ADGRL2: variants seen among roughly 807,000 people sequenced by gnomAD.
ADGRL2 encodes calcium-independent alpha-latrotoxin receptor 2.
ADGRL2 carries 44 observed loss-of-function variants against 157.4 expected under a neutral mutation model. The ratio of observed to expected loss-of-function variants is 0.28; its 90% CI spans 0.22 to 0.36. ADGRL2 has a LOEUF of 0.36. ADGRL2 is among the 10% of genes least tolerant of loss of function. ADGRL2 has a pLI of 1.00. For synonymous variants in ADGRL2, 585 were observed against 624.7 expected, an observed-to-expected ratio of 0.94 and a Z score of 0.95; for missense variants, 1,510 against 1,768.9, an observed-to-expected ratio of 0.85 and a Z score of 2.63.
rs139968996 is a variant in ADGRL2 at position 81,852,687 on chromosome 1, G to C, written c.73+15630G>C. On this transcript the variant is annotated intron_variant, in intron 2 of 23. Coordinates refer to ENST00000686636, the MANE Select transcript of ADGRL2 (RefSeq NM_001366006.2). ...AAGTGTATATCTGATGTGCCATGCT[G>C]CCTCTAGCTGTGTGTCTCGCTGGCT... Among the ~76,000 whole-genome samples the C allele has an allele frequency of 3.7e-3, 569 of 152,004 alleles. 1 individual carries two copies. The highest frequency in any genetic ancestry group is 6.1e-3 in the Non-Finnish European group (417 of 67,946).
rs113638609 is a variant in ADGRL2, at chr1:81,881,429, G to A, written c.74-25588G>A. On this transcript the variant is annotated intron_variant, in intron 2 of 23. Transcript: ENST00000686636. ...CTGACCTCGTGATCCACCAGCCTCG[G>A]CATCCCAAAGTGCTGGGATTACAGG... Among the ~76,000 whole-genome samples the A allele has an allele frequency of 9.2e-3, 1,397 of 152,254 alleles. 21 individuals are homozygous for A. The highest frequency in any genetic ancestry group is 0.032 in the African/African-American group (1,335 of 41,552).
intron 2 of ADGRL2, among the ~76,000 whole-genome samples, chr1:81,876,829 C>A (rs190707295): frequency 6.6e-6 from 1 of 152,256 alleles, no homozygotes; most frequent in African/African-American, 2.4e-5. Flanking sequence ...CTACCTTTAG[C>A]TTTTACACAG....
At chr1:81,859,238 A>G (rs1018094560) in intron 2 of ADGRL2, among the ~76,000 whole-genome samples, 1 of 152,204 alleles carries the variant, frequency 6.6e-6, no homozygotes, top group South Asian at 2.1e-4. Flanking sequence ...GTATACATGT[A>G]TTTATTTGTA....
In ADGRL2 at chr1:81,836,876, G is replaced by C. The variant is rs2092312847; in HGVS notation, c.-100-9G>C. The C allele has an allele frequency of 1.1e-5, 7 of 641,224 alleles. No individual in the cohort carries two copies. Among genetic ancestry groups the C allele is most frequent in the Middle Eastern group, 2.8e-4 (1 of 3,550 alleles). The allele number at this position is 641,224 out of a possible 1,614,324, so 39.7% of individuals were successfully genotyped here. A position where few individuals can be genotyped will look rare whatever the true frequency, so the allele number is the denominator to read the frequency against. ...CATAGAGTAAGTGATGGATTTGTTT[G>C]TTTTTCAGATATGAAGATCAATGAT... On this transcript the variant is annotated splice_polypyrimidine_tract_variant and intron_variant, in intron 1 of 23. Coordinates refer to ENST00000686636, the MANE Select transcript of ADGRL2 (RefSeq NM_001366006.2).
chr1:81,539,305 A>G (rs2079824191), intron 2 of ADGRL2, among the ~76,000 whole-genome samples: 1 of 152,076 alleles, frequency 6.6e-6, no homozygotes, highest in South Asian at 2.1e-4. Context: ...AGCTACAAAA[A>G]TTTATAAAAT....
At chr1:81,389,541 A>G (rs1294804357) in intron 1 of ADGRL2, among the ~76,000 whole-genome samples, 1 of 152,204 alleles carries the variant, frequency 6.6e-6, no homozygotes, top group African/African-American at 2.4e-5. Flanking sequence ...AAATTAAATG[A>G]CAGGTGGCAA....
intron 2 of ADGRL2, among the ~76,000 whole-genome samples, chr1:81,865,450 TG>T (rs1348797631): frequency 6.6e-6 from 1 of 152,220 alleles, no homozygotes; most frequent in Admixed American, 6.5e-5. Flanking sequence ...ATTTTAAAGA[TG>T]TTTAAGTTTT....
chr1:81,502,240 T>C, intron 2 of ADGRL2: 3 of 1,611,472 alleles, frequency 1.9e-6, no homozygotes, highest in Non-Finnish European at 2.5e-6. Context: ...GACAACAAGC[T>C]AAAGAAGACC....
chr1:81,894,695 T>A (rs2094343345), intron 2 of ADGRL2, among the ~76,000 whole-genome samples: 1 of 151,946 alleles, frequency 6.6e-6, no homozygotes, highest in African/African-American at 2.4e-5. Context: ...TATAAGTTAT[T>A]TTTTGAGATG....
At chr1:81,464,878 G>T (rs778074286) in intron 2 of ADGRL2, among the ~76,000 whole-genome samples, 2 of 150,136 alleles carry the variant, frequency 1.3e-5, no homozygotes, top group African/African-American at 2.5e-5. Context: ...GTTCAAAAAG[G>T]TCCAGGGGAA....
At chr1:81,320,986 GT>G in intron 1 of ADGRL2, among the ~76,000 whole-genome samples, 1 of 152,324 alleles carries the variant, frequency 6.6e-6, no homozygotes, top group Admixed American at 6.5e-5. Context: ...ATATAAGGCT[GT>G]TTTGAATACA....
chr1:81,862,420 A>G (rs1469649327), intron 2 of ADGRL2, among the ~76,000 whole-genome samples: 1 of 152,184 alleles, frequency 6.6e-6, no homozygotes, highest in African/African-American at 2.4e-5. Flanking sequence ...CAACTCTGAC[A>G]GTTACTAGGT....
At chr1:81,478,024 AT>A (rs987706724) in intron 2 of ADGRL2, among the ~76,000 whole-genome samples, 9 of 151,140 alleles carry the variant, frequency 6.0e-5, no homozygotes, top group Non-Finnish European at 1.0e-4. Flanking sequence ...TTTGAGAGTA[AT>A]TTTTTTGCAT....
chr1:81,945,982 T>C (rs549488679), intron 6 of ADGRL2, among the ~76,000 whole-genome samples: 1 of 152,210 alleles, frequency 6.6e-6, no homozygotes, highest in Non-Finnish European at 1.5e-5. Context: ...TGCAGAACTA[T>C]TCTGGCCCAC....
At chr1:81,678,125 C>T (rs2083034108) in intron 3 of ADGRL2, among the ~76,000 whole-genome samples, 1 of 152,162 alleles carries the variant, frequency 6.6e-6, no homozygotes, top group Non-Finnish European at 1.5e-5. Context: ...TCCTGCAGGA[C>T]TTATAATTAT....
At chr1:81,343,128 G>T (rs1487191858) in intron 1 of ADGRL2, among the ~76,000 whole-genome samples, 4 of 117,648 alleles carry the variant, frequency 3.4e-5, no homozygotes, top group Non-Finnish European at 4.8e-5. Context: ...TCACTCTGCT[G>T]CCCAGGCTGG....
chr1:81,430,823 T>G (rs2077306405), intron 1 of ADGRL2, among the ~76,000 whole-genome samples: 1 of 152,140 alleles, frequency 6.6e-6, no homozygotes, highest in African/African-American at 2.4e-5. Context: ...GTGCCAATCC[T>G]CCCTCTGTGT....
chr1:81,626,673 C>T (rs773028775), intron 3 of ADGRL2, among the ~76,000 whole-genome samples: 2 of 152,192 alleles, frequency 1.3e-5, no homozygotes, highest in Non-Finnish European at 2.9e-5. Context: ...AAACATTATT[C>T]ACTGTAACAG....
At chr1:81,380,808 T>A (rs1303628998) in intron 1 of ADGRL2, among the ~76,000 whole-genome samples, 4 of 152,034 alleles carry the variant, frequency 2.6e-5, no homozygotes, top group African/African-American at 9.7e-5. Context: ...GGTTTCAAAT[T>A]TACTTTGATA....
Sources: allele counts gnomAD v4.1 joint callset (sites outside exome capture counted in the v4.1 genomes callset), GRCh38; gene constraint gnomAD v4.1.1; transcripts MANE v1.5; gene names NCBI Gene and HGNC (gene_info 2026-07-23, HGNC 2026-07-21).